Variants in UBE3A observed in about 807,000 individuals in gnomAD.
The protein encoded by UBE3A is ubiquitin-protein ligase E3A.
Under a neutral mutation model 83.4 loss-of-function variants are expected in UBE3A, and 6 were observed. That is an observed-to-expected ratio of 0.07 (90% CI 0.04 to 0.14). UBE3A has a LOEUF of 0.14. UBE3A is among the 10% of genes least tolerant of loss of function. The pLI, the probability that UBE3A is intolerant of heterozygous loss-of-function variation, is 1.00. For missense variants in UBE3A, 456 were observed against 1,036.1 expected, an observed-to-expected ratio of 0.44 and a Z score of 7.69; for synonymous variants, 337 against 355.4, an observed-to-expected ratio of 0.95 and a Z score of 0.58.
chr15:25,426,793 T>C (rs534953487), intron 1 of UBE3A, among the ~76,000 whole-genome samples: 2 of 152,242 alleles, frequency 1.3e-5, no homozygotes, highest in African/African-American at 2.4e-5. Flanking sequence ...CTTCTATTAA[T>C]GTCTTACAAA....
chr15:25,340,289 T>G, intron 11 of UBE3A, 61 bp from the exon 12 acceptor site: 2 of 1,551,406 alleles, frequency 1.3e-6, no homozygotes, highest in Admixed American at 1.7e-5. Context: ...GGTACTAACA[T>G]AAGCTTATGA....
chr15:25,392,889 T>C (rs544925983), intron 4 of UBE3A, among the ~76,000 whole-genome samples: 18 of 152,324 alleles, frequency 1.2e-4, no homozygotes, highest in Middle Eastern at 3.4e-3. Flanking sequence ...AGTAATTCTT[T>C]TTTTAGCCAA....
At chr15:25,417,003 T>C (rs748338483) in intron 1 of UBE3A, among the ~76,000 whole-genome samples, 1 of 152,140 alleles carries the variant, frequency 6.6e-6, no homozygotes, top group Non-Finnish European at 1.5e-5. Flanking sequence ...GACAAGTGCT[T>C]GTCTGAGAAG....
chr15:25,391,286 A>G (rs780694509), intron 4 of UBE3A, among the ~76,000 whole-genome samples: 2 of 152,252 alleles, frequency 1.3e-5, no homozygotes, highest in Non-Finnish European at 2.9e-5. Flanking sequence ...TGAAGTAGCC[A>G]AAACAGTCAA....
intron 6 of UBE3A, among the ~76,000 whole-genome samples, chr15:25,367,359 T>C (rs1478679018): frequency 6.6e-6 from 1 of 151,482 alleles, no homozygotes; most frequent in Non-Finnish European, 1.5e-5. Context: ...TGGTTTTACA[T>C]ATTTGTAAAA....
chr15:25,415,541 C>T (rs888502770), intron 1 of UBE3A, among the ~76,000 whole-genome samples: 2 of 152,092 alleles, frequency 1.3e-5, no homozygotes, highest in Non-Finnish European at 2.9e-5. Context: ...AACCTCTATC[C>T]CCCACCCACC....
At chr15:25,358,830 T>C (rs562635369) in intron 7 of UBE3A, among the ~76,000 whole-genome samples, 40 of 152,332 alleles carry the variant, frequency 2.6e-4, no homozygotes, top group Non-Finnish European at 5.1e-4. Flanking sequence ...AACATTTTTT[T>C]TACAGGCCAA....
At chr15:25,356,650 A>G (rs748909714) in intron 8 of UBE3A, 41 bp downstream of exon 8, 1 of 1,581,294 alleles carries the variant, frequency 6.3e-7, no homozygotes, top group Admixed American at 1.7e-5. Flanking sequence ...CATTTAAATA[A>G]AATCTAAGAG....
intron 1 of UBE3A, among the ~76,000 whole-genome samples, chr15:25,422,588 A>G (rs572795752): frequency 2.4e-4 from 37 of 152,296 alleles, no homozygotes; most frequent in African/African-American, 7.2e-4. Flanking sequence ...GATCTAAACC[A>G]TATCATACCA....
chr15:25,434,405 T>C (rs1482658780), intron 1 of UBE3A, among the ~76,000 whole-genome samples: 2 of 152,174 alleles, frequency 1.3e-5, no homozygotes, highest in African/African-American at 2.4e-5. Context: ...CCCATCTCTA[T>C]AAAACAAAAA....
chr15:25,433,592 G>T (rs933468059), intron 1 of UBE3A, among the ~76,000 whole-genome samples: 1 of 152,062 alleles, frequency 6.6e-6, no homozygotes, highest in Admixed American at 6.6e-5. Context: ...AGGAACGAAG[G>T]CTTCAAAAGC....
Position 25,365,779 on chromosome 15 carries a change from G to A in UBE3A, c.1608+4787C>T, listed in dbSNP as rs1057409656. On this transcript the variant is annotated intron_variant, in intron 6 of 12. Transcript: ENST00000648336. ...AAAAAAAAAAAAGAGGAAAAAGAAA[G>A]AAAGGCTAGCTTCAACTACTTCAGT... Among the ~76,000 whole-genome samples, 19 of 147,234 alleles carry A rather than the reference G, an allele frequency of 1.3e-4. 1 individual carries two copies. The highest frequency in any genetic ancestry group is 4.0e-4 in the African/African-American group (16 of 40,180).
At chr15:25,365,523 C>T (rs907022143) in intron 6 of UBE3A, among the ~76,000 whole-genome samples, 1 of 151,670 alleles carries the variant, frequency 6.6e-6, no homozygotes, top group Non-Finnish European at 1.5e-5. Context: ...CCGAGGCGGG[C>T]GGATCACGAG....
intron 1 of UBE3A, among the ~76,000 whole-genome samples, chr15:25,419,997 CAAAT>C (rs1025507301): frequency 6.6e-6 from 1 of 151,938 alleles, no homozygotes; most frequent in Admixed American, 6.6e-5. Flanking sequence ...AAATAGAAAA[CAAAT>C]AGTGTCTTAA....
intron 11 of UBE3A, among the ~76,000 whole-genome samples, chr15:25,349,273 T>C (rs2076157565): frequency 6.6e-6 from 1 of 152,186 alleles, no homozygotes; most frequent in Admixed American, 6.5e-5. Flanking sequence ...TTATTGGTGG[T>C]GGATCACAGA....
chr15:25,376,888 T>G (rs1026545023), intron 4 of UBE3A, among the ~76,000 whole-genome samples: 2 of 151,998 alleles, frequency 1.3e-5, no homozygotes, highest in Non-Finnish European at 2.9e-5. Flanking sequence ...TATGTGACCA[T>G]GTAAGAAGTT....
chr15:25,398,731 G>C (rs568017945), intron 4 of UBE3A, among the ~76,000 whole-genome samples: 14 of 139,894 alleles, frequency 1.0e-4, no homozygotes, highest in South Asian at 4.7e-4. Context: ...AGGAACATGG[G>C]AGTACAGATC....
chr15:25,421,463 C>T (rs1319768470), intron 1 of UBE3A, among the ~76,000 whole-genome samples: 9 of 152,042 alleles, frequency 5.9e-5, no homozygotes. Context: ...GTGCCAGACA[C>T]AAAAGGACAA....
At position 25,340,177 on chromosome 15, in the gene UBE3A, G is replaced by T. The variant is rs2152515292; in HGVS notation, c.2406C>A (p.Phe802Leu). 1.2e-6 allele frequency: 2 copies of T among 1,613,982 alleles called. No individual in the cohort carries two copies. The highest frequency in any genetic ancestry group is 1.1e-5 in the South Asian group (1 of 91,084). Residue 802 changes from phenylalanine (F) to leucine (L), a missense_variant, in exon 12 of 13, where the codon TTC (phenylalanine) becomes TTA (leucine). Phe to Leu is a conservative substitution (Grantham distance 22). Coordinates refer to ENST00000648336, the MANE Select transcript of UBE3A (RefSeq NM_130839.5). Reference protein sequence around the residue: ...HSFTDEQKRLFLQFTTGTDRA... With the variant: ...HSFTDEQKRLLLQFTTGTDRA... ...TGTCTGTGCCCGTTGTAAACTGCAA[G>T]AAGAGTCTTTTCTGTTCATCTGTAA...
Sources: gnomAD v4.1 joint callset for allele counts (sites outside exome capture counted in the v4.1 genomes callset) on GRCh38, gnomAD v4.1.1 for gene constraint, MANE v1.5 for transcripts, NCBI Gene and HGNC (gene_info 2026-07-23, HGNC 2026-07-21) for gene names.